Variants in IPMK observed in about 807,000 individuals in gnomAD.
IPMK encodes the protein inositol polyphosphate multikinase.
IPMK carries 17 observed loss-of-function variants against 45.8 expected under a neutral mutation model. The ratio of observed to expected loss-of-function variants is 0.37; its 90% confidence interval spans 0.25 to 0.56. The LOEUF is 0.56. IPMK is among the 20% of genes least tolerant of loss of function. The pLI is 0.79. For synonymous variants in IPMK, 180 were observed against 184.3 expected (o/e 0.98, Z 0.19); for missense variants, 399 against 498.0 (o/e 0.80, Z 1.89).
At chr10:58,213,540 A>C (rs1209170131) in intron 4 of IPMK, among the ~76,000 whole-genome samples, 1 of 152,178 alleles carries the variant, frequency 6.6e-6, no homozygotes, top group Non-Finnish European at 1.5e-5. Context: ...ACTAAAAATT[A>C]GCAGGATGTG....
At chr10:58,251,459 A>C (rs1838878564) in intron 1 of IPMK, among the ~76,000 whole-genome samples, 2 of 145,536 alleles carry the variant, frequency 1.4e-5, no homozygotes, top group South Asian at 2.1e-4. Context: ...GTATTCTGCA[A>C]CTGTTTACTG....
intron 3 of IPMK, among the ~76,000 whole-genome samples, chr10:58,225,523 T>C (rs953335720): frequency 1.3e-5 from 2 of 152,164 alleles, no homozygotes; most frequent in African/African-American, 4.8e-5. Flanking sequence ...CTATCTTTAA[T>C]TAAAATGTTT....
At chr10:58,267,380 A>G (rs1247971557) in intron 1 of IPMK, 42 bp downstream of exon 1, 2 of 1,599,120 alleles carry the variant, frequency 1.3e-6, no homozygotes, top group South Asian at 1.1e-5. Context: ...GGGCTCGCAC[A>G]GGCGGAAGGG....
intron 2 of IPMK, among the ~76,000 whole-genome samples, chr10:58,231,371 A>G (rs1474833407): frequency 6.6e-6 from 1 of 152,176 alleles, no homozygotes; most frequent in Admixed American, 6.5e-5. Flanking sequence ...CAAGACACAT[A>G]ATTGTCAGAT....
chr10:58,241,518 A>G (rs953887541), intron 1 of IPMK, among the ~76,000 whole-genome samples: 2 of 152,204 alleles, frequency 1.3e-5, no homozygotes, highest in African/African-American at 4.8e-5. Flanking sequence ...TCTGTGGTGC[A>G]CTGACAGTAT....
intron 1 of IPMK, among the ~76,000 whole-genome samples, chr10:58,255,700 T>C (rs1261175988): frequency 6.6e-6 from 1 of 152,086 alleles, no homozygotes; most frequent in African/African-American, 2.4e-5. Flanking sequence ...GATAAACATA[T>C]ATTGGCCAGG....
chr10:58,261,107 T>C (rs200881353), intron 1 of IPMK, among the ~76,000 whole-genome samples: 1 of 139,468 alleles, frequency 7.2e-6, no homozygotes, highest in East Asian at 2.0e-4. Context: ...GGCTGAGCTA[T>C]AAAAAAAAAA....
rs1045106070 is a variant in IPMK at position 58,263,208 on chromosome 10, A to G, written c.190+4214T>C. Among the ~76,000 whole-genome samples, 4 of 152,164 alleles carry G rather than the reference A, an allele frequency of 2.6e-5. No homozygotes were observed. In the East Asian group the frequency reaches 5.8e-4, roughly 22 times the overall value. ...CAAGACCAGCCTGGGCAACAAAGCCAGATCCCATCTCTACAAAAAATTTTA... is the reference window on the plus strand; with the variant it reads ...CAAGACCAGCCTGGGCAACAAAGCCGGATCCCATCTCTACAAAAAATTTTA... On this transcript the variant is annotated intron_variant, in intron 1 of 5. Transcript: ENST00000373935.
At chr10:58,259,671 T>TAACAAAAAAAAAA (rs1839028130) in intron 1 of IPMK, among the ~76,000 whole-genome samples, 1 of 86,766 alleles carries the variant, frequency 1.2e-5, no homozygotes, top group Non-Finnish European at 2.0e-5. Context: ...CATCTCTACA[T>TAACAAAAAAAAAA]AAAAAAAAAA....
At chr10:58,236,894 A>AC (rs1838621345) in intron 2 of IPMK, among the ~76,000 whole-genome samples, 1 of 152,068 alleles carries the variant, frequency 6.6e-6, no homozygotes, top group Admixed American at 6.6e-5. Flanking sequence ...ACAAAGTGAG[A>AC]CCCCATCTCT....
chr10:58,231,588 G>C (rs756007669), intron 2 of IPMK, among the ~76,000 whole-genome samples: 13 of 152,186 alleles, frequency 8.5e-5, no homozygotes, highest in Non-Finnish European at 1.6e-4. Flanking sequence ...AGCTTCGTAA[G>C]TGAAGGAGAA....
intron 1 of IPMK, among the ~76,000 whole-genome samples, chr10:58,252,261 A>G (rs184477508): frequency 6.6e-6 from 1 of 152,218 alleles, no homozygotes; most frequent in Non-Finnish European, 1.5e-5. Flanking sequence ...AACAAACTCT[A>G]TACTTTAACA....
At chr10:58,210,421 T>C (rs1480895847) in intron 4 of IPMK, among the ~76,000 whole-genome samples, 2 of 152,282 alleles carry the variant, frequency 1.3e-5, no homozygotes, top group East Asian at 3.9e-4. Flanking sequence ...TGATGGCTCC[T>C]GTGCTCCTAT....
intron 1 of IPMK, among the ~76,000 whole-genome samples, chr10:58,252,871 C>T (rs1838905773): frequency 6.6e-6 from 1 of 152,124 alleles, no homozygotes; most frequent in Non-Finnish European, 1.5e-5. Context: ...CTCGACCTCC[C>T]ATAGTGCTAG....
chr10:58,197,897 C>G (rs1837933101), intron 5 of IPMK, among the ~76,000 whole-genome samples: 1 of 151,768 alleles, frequency 6.6e-6, no homozygotes, highest in Admixed American at 6.6e-5. Context: ...GGCATGGTGA[C>G]GCATGCCTGT....
chr10:58,211,005 T>C (rs1227692613), intron 4 of IPMK, among the ~76,000 whole-genome samples: 1 of 152,126 alleles, frequency 6.6e-6, no homozygotes, highest in Non-Finnish European at 1.5e-5. Flanking sequence ...GAAGAGTTTT[T>C]GAATAGGGAA....
At chr10:58,261,667 T>A (rs112625904) in intron 1 of IPMK, among the ~76,000 whole-genome samples, 10,105 of 151,690 alleles carry the variant, frequency 0.067, 412 homozygotes, top group Non-Finnish European at 0.089. Flanking sequence ...CACTGCAACC[T>A]CCGCTCCCAG....
At chr10:58,199,531 T>A (rs1014765800) in intron 4 of IPMK, among the ~76,000 whole-genome samples, 6 of 152,200 alleles carry the variant, frequency 3.9e-5, no homozygotes, top group African/African-American at 1.4e-4. Context: ...CTCTCTGTAA[T>A]ATAAGGATAG....
intron 4 of IPMK, among the ~76,000 whole-genome samples, chr10:58,207,835 A>G: frequency 6.6e-6 from 1 of 152,204 alleles, no homozygotes; most frequent in East Asian, 1.9e-4. Context: ...AGTTTTCCGT[A>G]ATTATTCCCT....
Sources: gnomAD v4.1 joint callset for allele counts (sites outside exome capture counted in the v4.1 genomes callset) on GRCh38, gnomAD v4.1.1 for gene constraint, MANE v1.5 for transcripts, NCBI Gene and HGNC (gene_info 2026-07-23, HGNC 2026-07-21) for gene names.